The following ADGRG7 variants were observed in gnomAD, a reference collection of about 807,000 sequenced individuals.
ADGRG7 encodes the protein adhesion G protein-coupled receptor G7.
In ADGRG7, 82 loss-of-function variants were observed where a neutral mutation model predicts 88.6. That is an observed-to-expected ratio of 0.93 (90% confidence interval 0.77 to 1.11). ADGRG7 has a LOEUF of 1.11. ADGRG7 is among the 50% of genes most tolerant of loss of function. The pLI, the probability that ADGRG7 is intolerant of heterozygous loss-of-function variation, is 0.00. For missense variants in ADGRG7, 945 were observed against 953.4 expected (o/e 0.99, Z 0.12); for synonymous variants, 381 against 345.2 (o/e 1.10, Z -1.15).
chr3:100,622,910 C>T (rs918779239), intron 1 of ADGRG7, among the ~76,000 whole-genome samples: 2 of 149,550 alleles, frequency 1.3e-5, no homozygotes, highest in East Asian at 2.0e-4. Context: ...TCACCATGCC[C>T]GGAAAATTTT....
At chr3:100,610,236 G>A (rs1707128037) in intron 1 of ADGRG7, among the ~76,000 whole-genome samples, 1 of 152,158 alleles carries the variant, frequency 6.6e-6, no homozygotes. Flanking sequence ...AGACTGAATT[G>A]GTAGAAGAGT....
intron 6 of ADGRG7, among the ~76,000 whole-genome samples, chr3:100,641,985 A>G (rs1171674541): frequency 1.3e-5 from 2 of 152,244 alleles, no homozygotes; most frequent in Non-Finnish European, 2.9e-5. Context: ...TCTCTGGGGC[A>G]GGTGCCCATC....
chr3:100,610,727 A>G (rs1341711556), intron 1 of ADGRG7, among the ~76,000 whole-genome samples: 2 of 152,202 alleles, frequency 1.3e-5, no homozygotes, highest in African/African-American at 2.4e-5. Flanking sequence ...AAGGAATTCA[A>G]TGTTGGATGG....
At chr3:100,682,133 C>A (rs2094974244) in intron 15 of ADGRG7, among the ~76,000 whole-genome samples, 1 of 152,180 alleles carries the variant, frequency 6.6e-6, no homozygotes, top group South Asian at 2.1e-4. Flanking sequence ...AGGCAGTCCC[C>A]AGAGCCTGCC....
intron 15 of ADGRG7, among the ~76,000 whole-genome samples, chr3:100,688,393 CTTAG>C (rs2149043365): frequency 6.6e-6 from 1 of 152,212 alleles, no homozygotes; most frequent in Admixed American, 6.5e-5. Flanking sequence ...CTGCTCTGAT[CTTAG>C]TTATTTCTTG....
chr3:100,620,092 A>G (rs1325425525), intron 1 of ADGRG7, among the ~76,000 whole-genome samples: 4 of 152,318 alleles, frequency 2.6e-5, no homozygotes, highest in South Asian at 2.1e-4. Flanking sequence ...AAAGCCTGGC[A>G]GAGACACAAC....
chr3:100,683,437 C>A (rs1314564199), intron 15 of ADGRG7, among the ~76,000 whole-genome samples: 2 of 152,186 alleles, frequency 1.3e-5, no homozygotes, highest in African/African-American at 2.4e-5. Context: ...TCACCCGGTT[C>A]CCTGGTGTTA....
At chr3:100,693,334 C>T (rs2094996920) in intron 15 of ADGRG7, among the ~76,000 whole-genome samples, 1 of 152,146 alleles carries the variant, frequency 6.6e-6, no homozygotes, top group Non-Finnish European at 1.5e-5. Flanking sequence ...AATTTCTCTC[C>T]CTTGAACAAT....
chr3:100,661,192 A>G (rs2094944874), intron 14 of ADGRG7, among the ~76,000 whole-genome samples: 1 of 151,960 alleles, frequency 6.6e-6, no homozygotes, highest in Non-Finnish European at 1.5e-5. Context: ...CATATACTCT[A>G]CCCTCCCTGA....
intron 15 of ADGRG7, among the ~76,000 whole-genome samples, chr3:100,693,397 A>T (rs4367102): frequency 2.0e-5 from 3 of 152,068 alleles, no homozygotes; most frequent in African/African-American, 7.2e-5. Context: ...CTCCAAGCAC[A>T]CACTGTCATA....
At position 100,611,295 on chromosome 3, in the gene ADGRG7, C is replaced by CCTTT. The variant is rs1491515198; in HGVS notation, c.115+1327_115+1328insTCTT. 2.6e-3 allele frequency among the ~76,000 whole-genome samples: 290 copies of CCTTT among 112,188 alleles called. 1 individual carries two copies. Among genetic ancestry groups the CCTTT allele is most frequent in the Middle Eastern group, 9.1e-3 (2 of 220 alleles). The allele number at this position is 112,188 out of a possible 152,430, so 73.6% of individuals were successfully genotyped here. On this transcript the variant is annotated intron_variant, in intron 1 of 15. Coordinates refer to ENST00000273352, the MANE Select transcript of ADGRG7 (RefSeq NM_032787.3). ...TCCTTCCTTCCTTCCTTCCTTCCTT[C>CCTTT]CTTCCTTTCTTCTTTCCTTCCTTCC...
intron 14 of ADGRG7, among the ~76,000 whole-genome samples, chr3:100,662,207 C>A (rs546786981): frequency 6.6e-6 from 1 of 152,112 alleles, no homozygotes; most frequent in Admixed American, 6.6e-5. Flanking sequence ...ACTCCCCTAA[C>A]TGGAAATTTT....
intron 15 of ADGRG7, among the ~76,000 whole-genome samples, chr3:100,689,727 T>A (rs1006882069): frequency 6.6e-6 from 1 of 152,202 alleles, no homozygotes; most frequent in Non-Finnish European, 1.5e-5. Context: ...GCTTGCAGAG[T>A]TTCTGCCGAG....
At chr3:100,672,627 C>G (rs9876472) in intron 15 of ADGRG7, among the ~76,000 whole-genome samples, 4,960 of 152,182 alleles carry the variant, frequency 0.033, 276 homozygotes, top group African/African-American at 0.11. Context: ...GCATCCTTGT[C>G]TTGTGCCAGT....
intron 1 of ADGRG7, among the ~76,000 whole-genome samples, chr3:100,628,848 C>T (rs528939372): frequency 2.6e-5 from 4 of 152,124 alleles, no homozygotes; most frequent in Non-Finnish European, 5.9e-5. Context: ...AACTGGTTTT[C>T]CTTCCCCCTT....
chr3:100,673,890 T>C (rs979203284), intron 15 of ADGRG7, among the ~76,000 whole-genome samples: 1 of 152,216 alleles, frequency 6.6e-6, no homozygotes, highest in African/African-American at 2.4e-5. Flanking sequence ...ATCTTAGTTA[T>C]TTCTTGTCTT....
intron 11 of ADGRG7, among the ~76,000 whole-genome samples, chr3:100,653,366 C>CATA (rs1484230189): frequency 6.6e-6 from 1 of 152,044 alleles, no homozygotes; most frequent in East Asian, 1.9e-4. Flanking sequence ...TTGTATTTGG[C>CATA]CTTATTTTAA....
intron 6 of ADGRG7, among the ~76,000 whole-genome samples, chr3:100,640,522 T>A (rs1385637522): frequency 6.6e-6 from 1 of 150,970 alleles, no homozygotes; most frequent in Non-Finnish European, 1.5e-5. Context: ...CACCTCACCA[T>A]TTTTTTTTCC....
chr3:100,640,178 G>A lies in ADGRG7; in HGVS notation c.698+2776G>A, dbSNP rs556597226. On this transcript the variant is annotated intron_variant, in intron 6 of 15. Coordinates refer to ENST00000273352, the MANE Select transcript of ADGRG7 (RefSeq NM_032787.3). ...CTTCCAACAGAGGTCATCTCTCCAC[G>A]AGAAGGAAATTAATTGTTGTTTAGG... Among the ~76,000 whole-genome samples, 8 of 152,232 alleles carry A rather than the reference G, an allele frequency of 5.3e-5. No homozygotes were observed. The South Asian group carries it at 6.2e-4, about 12-fold the overall frequency.
Sources: allele counts gnomAD v4.1 joint callset (sites outside exome capture counted in the v4.1 genomes callset), GRCh38; gene constraint gnomAD v4.1.1; transcripts MANE v1.5; gene names NCBI Gene and HGNC (gene_info 2026-07-23, HGNC 2026-07-21).